The following MYH7B variants were observed in gnomAD, a reference collection of about 807,000 sequenced individuals.
The protein encoded by MYH7B is myosin heavy chain 7B, also known as myosin-7B.
Under a neutral mutation model 234.5 loss-of-function variants are expected in MYH7B, and 205 were observed. The observed-to-expected ratio is 0.87, with a 90% confidence interval of 0.78 to 0.98. The LOEUF (loss-of-function observed/expected upper bound fraction) is 0.98. Ranked by LOEUF, MYH7B falls within the 50% of genes least tolerant of loss-of-function variation. The probability of loss-of-function intolerance (pLI) is 0.00; values close to 1 mark genes in which losing one functional copy is unlikely to be tolerated. For missense variants in MYH7B, 2,652 were observed against 2,633.4 expected (o/e 1.01, Z -0.15); for synonymous variants, 1,193 against 1,105.0 (o/e 1.08, Z -1.58).
Position 34,997,151 on chromosome 20 carries a change from AG to A in MYH7B, c.3336del (p.Lys1113ArgfsTer41). 1 of 1,549,428 alleles carries A rather than the reference AG, an allele frequency of 6.5e-7. No homozygotes were observed. Among genetic ancestry groups the A allele is most frequent in the Non-Finnish European group, 8.7e-7 (1 of 1,146,712 alleles). ...GAGCAGCTCTTGGGGGCCCAGATGC[AG>A]AAGAAGATCAAGGAGCTGCAGGTGC... is the stretch of plus-strand genomic sequence containing the variant. On this transcript the variant is annotated frameshift_variant, in exon 31 of 45. Transcript: ENST00000262873. LOFTEE classifies it high-confidence loss of function.
chr20:34,988,043 T>C (rs986286269), intron 18 of MYH7B, 49 bp from the exon 19 acceptor site: 1 of 1,589,030 alleles, frequency 6.3e-7, no homozygotes, highest in Non-Finnish European at 8.6e-7. Context: ...CGGGCCTCCC[T>C]TTCCCCATCT....
rs908489307 is a variant in MYH7B, at chr20:34,990,732, T to G, written c.1978-6T>G. 6 of 1,614,036 alleles carry G rather than the reference T, an allele frequency of 3.7e-6. 1 individual carries two copies. The Middle Eastern group carries it at 8.2e-4, about 222-fold the overall frequency. On this transcript the variant is annotated splice_polypyrimidine_tract_variant and splice_region_variant and intron_variant, in intron 22 of 44. Transcript: ENST00000262873. ...GTGCCTTTCCCTCACTCTTCCCCAC[T>G]GCCAGGAGAACCTCAACAAGCTGAT...
chr20:35,001,275 G>A lies in MYH7B; in HGVS notation c.5506G>A (p.Glu1836Lys). The stretch of plus-strand genomic sequence containing the variant: ...GGAGCTGGAGGCTGAGCTTGATGCA[G>A]AGCAGAAGAAGCACGCCGAGGCCCT... The change falls in exon 42 of 45, where the codon GAG becomes AAG. Residue 1836 changes from glutamate (E) to lysine (K), a missense_variant. Around this residue, in one of 3 missense-constraint regions of MYH7B, gnomAD observed 2,279 missense variants for 2,211.4 expected, o/e 1.03. Transcript: ENST00000262873. 1.2e-6 allele frequency: 2 copies of A among 1,612,952 alleles called. No individual in the cohort carries two copies. Among genetic ancestry groups the A allele is most frequent in the Non-Finnish European group, 8.5e-7 (1 of 1,179,522 alleles).
exon 20 of MYH7B, chr20:34,989,803 T>C (rs1600446980): frequency 6.2e-7 from 1 of 1,614,144 alleles, no homozygotes; most frequent in Non-Finnish European, 8.5e-7. Flanking sequence ...AGACGCCAGC[T>C]TCCGGGCCAA....
chr20:35,001,071 G>T, exon 41 of MYH7B: 1 of 1,613,792 alleles, frequency 6.2e-7, no homozygotes, highest in South Asian at 1.1e-5. Context: ...TGGAGCAGAC[G>T]GTGCGCGAGC....
intron 19 of MYH7B, among the ~76,000 whole-genome samples, chr20:34,988,806 C>CCTTTTTTTTTT (rs1569046104): frequency 8.8e-6 from 1 of 113,234 alleles, no homozygotes; most frequent in Non-Finnish European, 1.8e-5. Flanking sequence ...TCCTTTATCC[C>CCTTTTTTTTTT]TTTTTTTTTT....
At chr20:34,961,010 G>A (rs1456115020) in intron 2 of MYH7B, among the ~76,000 whole-genome samples, 1 of 152,236 alleles carries the variant, frequency 6.6e-6, no homozygotes, top group South Asian at 2.1e-4. Context: ...TCTGTGCCCT[G>A]GTCGTGTTTG....
At chr20:35,002,425 T>A in exon 45 of MYH7B, 1 of 415,400 alleles carries the variant, frequency 2.4e-6, no homozygotes, top group Non-Finnish European at 4.2e-6. Context: ...ATAAAGTTAT[T>A]TAATAGTCTC....
At chr20:34,971,110 G>T (rs951195527) in intron 2 of MYH7B, among the ~76,000 whole-genome samples, 2 of 152,128 alleles carry the variant, frequency 1.3e-5, no homozygotes, top group African/African-American at 4.8e-5. Context: ...GCTCGGGGAG[G>T]CCTCAAGGTC....
intron 10 of MYH7B, 118 bp from the exon 11 acceptor site, chr20:34,984,574 G>A (rs1386304683): frequency 1.3e-5 from 11 of 862,504 alleles, no homozygotes; most frequent in African/African-American, 3.4e-5. Context: ...CATGCATTCC[G>A]GTGACTAACT....
chr20:34,955,910 G>A (rs960374170), exon 1 of MYH7B: 9 of 152,426 alleles, frequency 5.9e-5, no homozygotes, highest in African/African-American at 2.2e-4. Flanking sequence ...CGGTCGATGA[G>A]AGGGCGGCCT....
rs754208740 is a variant in MYH7B at position 34,997,655 on chromosome 20, C to G, written c.3747+15C>G. On this transcript the variant is annotated intron_variant, in intron 32 of 44. Transcript: ENST00000262873. ...CCCGCGCCAAGGTGTCCGTGCCTTC[C>G]TCACCCCATACCCACCCTGACTTTA... 1.1e-5 allele frequency: 17 copies of G among 1,612,550 alleles called. No homozygotes were observed. The highest frequency in any genetic ancestry group is 1.4e-5 in the Non-Finnish European group (16 of 1,179,304).
intron 13 of MYH7B, among the ~76,000 whole-genome samples, chr20:34,985,734 G>A (rs894369069): frequency 2.0e-5 from 3 of 152,084 alleles, no homozygotes; most frequent in African/African-American, 7.2e-5. Context: ...GACAGGGATA[G>A]GCTGTAATTC....
exon 45 of MYH7B, chr20:35,002,433 C>T: frequency 2.5e-6 from 1 of 407,962 alleles, no homozygotes. Context: ...ATTTAATAGT[C>T]TCCATTTAAT....
At chr20:34,983,822 A>G (rs927520869) in intron 10 of MYH7B, among the ~76,000 whole-genome samples, 1 of 152,200 alleles carries the variant, frequency 6.6e-6, no homozygotes, top group Non-Finnish European at 1.5e-5. Context: ...AGGTGAATGA[A>G]TGACCACAAA....
chr20:34,995,407 G>A (rs753969808), exon 28 of MYH7B: 5 of 1,613,902 alleles, frequency 3.1e-6, no homozygotes, highest in Non-Finnish European at 3.4e-6. Flanking sequence ...AGCTGGAGGG[G>A]AAGGTGAAGG....
Position 34,991,133 on chromosome 20 carries a change from C to A in MYH7B, c.2183+12C>A. On this transcript the variant is annotated intron_variant, in intron 24 of 44. Transcript: ENST00000262873. Reference sequence around the variant, plus strand: ...GACTTCCGGCAGCGGTGGGTGACCCCTTCCCCCTGCCTGCTGCTCCAGGTG... The same window carrying A: ...GACTTCCGGCAGCGGTGGGTGACCCATTCCCCCTGCCTGCTGCTCCAGGTG... 6.3e-7 allele frequency: 1 copy of A among 1,577,430 alleles called. No homozygotes were observed. The highest frequency in any genetic ancestry group is 8.7e-7 in the Non-Finnish European group (1 of 1,153,818).
Position 34,989,985 on chromosome 20 carries a change from C to G in MYH7B, c.1768-29C>G, listed in dbSNP as rs763055490. Reference sequence around the variant, plus strand: ...CCCGCCCTGCTCCAGGTCTCCCACCCGGGCTCAGCACCTGACTTGTCTCTC... The same window carrying G: ...CCCGCCCTGCTCCAGGTCTCCCACCGGGGCTCAGCACCTGACTTGTCTCTC... On this transcript the variant is annotated intron_variant, in intron 20 of 44. Coordinates refer to ENST00000262873, the Ensembl canonical transcript of MYH7B. The G allele has an allele frequency of 3.7e-6, 6 of 1,613,464 alleles. No homozygotes were observed. In the African/African-American group the frequency reaches 6.7e-5, roughly 18 times the overall value.
chr20:35,002,321 A>C (rs77063383), exon 45 of MYH7B: 1 of 982,902 alleles, frequency 1.0e-6, no homozygotes, highest in Non-Finnish European at 1.4e-6. Context: ...AATAAACACC[A>C]CAGCCAGTTT....
Sources: gnomAD v4.1 joint callset for allele counts (sites outside exome capture counted in the v4.1 genomes callset) on GRCh38, gnomAD v4.1.1 for gene constraint, gnomAD v4.1.1 regional missense constraint, MANE v1.5 for transcripts, NCBI Gene and HGNC (gene_info 2026-07-23, HGNC 2026-07-21) for gene names.